Variants in HSD17B11 observed in about 807,000 individuals in gnomAD.
The protein encoded by HSD17B11 is hydroxysteroid 17-beta dehydrogenase 11, also known as estradiol 17-beta-dehydrogenase 11.
Under a neutral mutation model 27.8 loss-of-function variants are expected in HSD17B11, and 22 were observed. That is an observed-to-expected ratio of 0.79 (90% confidence interval 0.56 to 1.13). The LOEUF (loss-of-function observed/expected upper bound fraction) is 1.13. HSD17B11 is among the 50% of genes most tolerant of loss of function. The pLI, the probability that HSD17B11 is intolerant of heterozygous loss-of-function variation, is 0.00. For synonymous variants in HSD17B11, 117 were observed against 132.8 expected (o/e 0.88, Z 0.82); for missense variants, 314 against 351.1 (o/e 0.89, Z 0.84).
At chr4:87,371,384 A>G (rs1199833265) in intron 4 of HSD17B11, among the ~76,000 whole-genome samples, 2 of 152,172 alleles carry the variant, frequency 1.3e-5, no homozygotes, top group African/African-American at 4.8e-5. Context: ...AATTAATCTA[A>G]GGTGTTATAA....
chr4:87,359,656 A>T (rs528256091), intron 4 of HSD17B11, among the ~76,000 whole-genome samples: 2 of 152,316 alleles, frequency 1.3e-5, no homozygotes, highest in Non-Finnish European at 2.9e-5. Flanking sequence ...GAGCCACAGT[A>T]CCTGGCCTAT....
intron 4 of HSD17B11, among the ~76,000 whole-genome samples, chr4:87,362,354 G>A (rs529380790): frequency 3.9e-5 from 6 of 152,096 alleles, no homozygotes; most frequent in South Asian, 2.1e-4. Context: ...GGTGAAACCC[G>A]GTCTCTACTA....
At chr4:87,363,820 A>G (rs7667870) in intron 4 of HSD17B11, among the ~76,000 whole-genome samples, 130,677 of 152,216 alleles carry the variant, frequency 0.86, 56,511 homozygotes, top group African/African-American at 0.96. Context: ...CACCCAGGAA[A>G]TAAGTCATTA....
intron 4 of HSD17B11, among the ~76,000 whole-genome samples, chr4:87,369,389 G>T (rs1436975081): frequency 6.6e-6 from 1 of 151,092 alleles, no homozygotes; most frequent in Non-Finnish European, 1.5e-5. Context: ...TGTCTTGGAG[G>T]GCTGAAAAAA....
chr4:87,386,297 G>T (rs184926781), intron 1 of HSD17B11, among the ~76,000 whole-genome samples: 1 of 151,508 alleles, frequency 6.6e-6, no homozygotes, highest in Non-Finnish European at 1.5e-5. Context: ...CTGCCTTCCC[G>T]GTTCAAGTGA....
rs753632880 is a variant in HSD17B11 at position 87,390,965 on chromosome 4, C to A, written c.106G>T (p.Gly36Cys). The change falls in exon 1 of 7, where the codon GGC becomes TGC. Residue 36 changes from glycine to cysteine, a missense_variant. Transcript: ENST00000358290. ...FIPKRRKSVT[G>C]EIVLITGAGH... The stretch of plus-strand genomic sequence containing the variant: ...GCTCCTGTAATCAGCACGATTTCGC[C>A]GGTGACTGATTTTCTCCTCTTAGGA... The A allele has an allele frequency of 3.7e-6, 6 of 1,614,092 alleles. No individual in the cohort carries two copies. Among genetic ancestry groups the A allele is most frequent in the Admixed American group, 3.3e-5 (2 of 60,012 alleles).
chr4:87,344,061 T>C (rs1355443007), intron 5 of HSD17B11, among the ~76,000 whole-genome samples: 1 of 152,188 alleles, frequency 6.6e-6, no homozygotes, highest in Admixed American at 6.5e-5. Flanking sequence ...TACTACTATA[T>C]AAGCCAGCAC....
Position 87,382,275 on chromosome 4 carries a change from T to C in HSD17B11, c.298A>G (p.Ile100Val), listed in dbSNP as rs1439239146. 2 of 1,613,420 alleles carry C rather than the reference T, an allele frequency of 1.2e-6. No individual in the cohort carries two copies. Among genetic ancestry groups the C allele is most frequent in the South Asian group, 2.2e-5 (2 of 91,064 alleles). Residue 100 changes from isoleucine (I) to valine (V), a missense_variant, in exon 2 of 7, where the codon ATT (isoleucine) becomes GTT (valine). By Grantham distance (29) the Ile-to-Val change is conservative. Coordinates refer to ENST00000358290, the MANE Select transcript of HSD17B11 (RefSeq NM_016245.5). ...FVVDCSNREDIYSSAKKVKAE... is the reference protein window; with the variant it reads ...FVVDCSNREDVYSSAKKVKAE... ...TTCACCTTCTTTGCAGAGCTGTAAATATCTTCTCGGTTGCTGCAGTCTACC... is the reference window on the plus strand; with the variant it reads ...TTCACCTTCTTTGCAGAGCTGTAAACATCTTCTCGGTTGCTGCAGTCTACC...
chr4:87,371,160 T>C (rs1735710428), intron 4 of HSD17B11, among the ~76,000 whole-genome samples: 1 of 152,184 alleles, frequency 6.6e-6, no homozygotes. Flanking sequence ...ATAATGCCAT[T>C]ATAAATGACA....
intron 3 of HSD17B11, chr4:87,374,373 A>G (rs1735777163): frequency 5.6e-6 from 1 of 177,470 alleles, no homozygotes; most frequent in Non-Finnish European, 1.2e-5. Context: ...TTATAAAATC[A>G]CAGACGATGA....
At chr4:87,388,966 T>C (rs1428537824) in intron 1 of HSD17B11, among the ~76,000 whole-genome samples, 1 of 152,266 alleles carries the variant, frequency 6.6e-6, no homozygotes, top group Non-Finnish European at 1.5e-5. Context: ...TATACCACAC[T>C]GTGCTAAATG....
intron 1 of HSD17B11, among the ~76,000 whole-genome samples, chr4:87,389,072 C>A: frequency 6.6e-6 from 1 of 152,084 alleles, no homozygotes; most frequent in Non-Finnish European, 1.5e-5. Context: ...GCTGTGGAAA[C>A]GTTGAGTAAG....
Position 87,344,977 on chromosome 4 carries a change from G to C in HSD17B11, c.696-4371C>G, listed in dbSNP as rs114470702. On this transcript the variant is annotated intron_variant, in intron 5 of 6. Transcript: ENST00000358290. ...GAGAACACAACATATCAAGATTTATGGGATGAGGTGAGCATAGTGGCTCAA... is the reference window on the plus strand; with the variant it reads ...GAGAACACAACATATCAAGATTTATCGGATGAGGTGAGCATAGTGGCTCAA... Among the ~76,000 whole-genome samples the C allele has an allele frequency of 4.2e-3, 647 of 152,298 alleles. 3 individuals carry two copies. The highest frequency in any genetic ancestry group is 0.015 in the African/African-American group (611 of 41,576).
At position 87,366,760 on chromosome 4, in the gene HSD17B11, T is replaced by C. The variant is rs116463468; in HGVS notation, c.557+5949A>G. ...TTAAAAGGTGGTTTATAATCAACTA[T>C]AGAATTCTAGCAGATGTTCTTAAAT... On this transcript the variant is annotated intron_variant, in intron 4 of 6. Coordinates refer to ENST00000358290, the MANE Select transcript of HSD17B11 (RefSeq NM_016245.5). Among the ~76,000 whole-genome samples the C allele has an allele frequency of 4.0e-3, 609 of 152,300 alleles. 3 individuals carry two copies. Among genetic ancestry groups the C allele is most frequent in the African/African-American group, 0.014 (568 of 41,572 alleles).
chr4:87,361,721 C>T (rs1192342012), intron 4 of HSD17B11, among the ~76,000 whole-genome samples: 3 of 152,124 alleles, frequency 2.0e-5, no homozygotes, highest in Non-Finnish European at 2.9e-5. Context: ...GAGCTGAGAT[C>T]GCGCCGCTGC....
chr4:87,373,605 G>A (rs1735762815), intron 3 of HSD17B11, among the ~76,000 whole-genome samples: 1 of 152,006 alleles, frequency 6.6e-6, no homozygotes, highest in South Asian at 2.1e-4. Flanking sequence ...TGCTACTAGG[G>A]AGGCCAAGGT....
At chr4:87,359,599 A>T (rs1735467995) in intron 4 of HSD17B11, among the ~76,000 whole-genome samples, 1 of 152,208 alleles carries the variant, frequency 6.6e-6, no homozygotes, top group South Asian at 2.1e-4. Flanking sequence ...CCTGGGGTTA[A>T]GTCATACTTT....
At chr4:87,381,400 C>T in intron 2 of HSD17B11, among the ~76,000 whole-genome samples, 1 of 152,036 alleles carries the variant, frequency 6.6e-6, no homozygotes, top group Non-Finnish European at 1.5e-5. Context: ...AGAATGCGTT[C>T]AGAGTGAAAC....
chr4:87,344,137 C>T (rs1011869640), intron 5 of HSD17B11, among the ~76,000 whole-genome samples: 2 of 152,190 alleles, frequency 1.3e-5, no homozygotes, highest in African/African-American at 4.8e-5. Flanking sequence ...TATACAGTTA[C>T]ACTAGACAAA....
Sources: allele counts gnomAD v4.1 joint callset (sites outside exome capture counted in the v4.1 genomes callset), GRCh38; gene constraint gnomAD v4.1.1; transcripts MANE v1.5; gene names NCBI Gene and HGNC (gene_info 2026-07-23, HGNC 2026-07-21).